The following PELI2 variants were observed in gnomAD, a reference collection of about 807,000 sequenced individuals.
The protein encoded by PELI2 is pellino E3 ubiquitin protein ligase family member 2, also known as E3 ubiquitin-protein ligase pellino homolog 2.
Under a neutral mutation model 42.3 loss-of-function variants are expected in PELI2, and 23 were observed. The observed-to-expected ratio is 0.54, with a 90% CI of 0.39 to 0.77. The LOEUF is 0.77. Among genes scored for constraint, PELI2 ranks in the 30% least tolerant of loss-of-function variants. The pLI is 0.00. For synonymous variants in PELI2, 245 were observed against 212.2 expected, an observed-to-expected ratio of 1.15 and a Z score of -1.34; for missense variants, 463 against 553.2, an observed-to-expected ratio of 0.84 and a Z score of 1.64.
In PELI2 at chr14:56,275,088, TCA is replaced by T. The variant is rs879645642; in HGVS notation, c.208-4587_208-4586del. 3.1e-3 allele frequency among the ~76,000 whole-genome samples: 465 copies of T among 150,406 alleles called. 2 individuals carry two copies. Among genetic ancestry groups the T allele is most frequent in the Middle Eastern group, 6.8e-3 (2 of 294 alleles). ...TTCGTTCATTCATTCATTCATTCAT[TCA>T]TTCGTTTGACATTCATTGAATGCCT... On this transcript the variant is annotated intron_variant, in intron 2 of 5. Coordinates refer to ENST00000267460, the MANE Select transcript of PELI2 (RefSeq NM_021255.3).
At chr14:56,182,797 G>C (rs965826291) in intron 2 of PELI2, among the ~76,000 whole-genome samples, 2 of 152,122 alleles carry the variant, frequency 1.3e-5, no homozygotes, top group African/African-American at 4.8e-5. Context: ...GTGAGAAGTG[G>C]TAAAACTAAC....
chr14:56,263,162 T>C (rs897464347), intron 2 of PELI2, among the ~76,000 whole-genome samples: 1 of 152,172 alleles, frequency 6.6e-6, no homozygotes, highest in African/African-American at 2.4e-5. Flanking sequence ...GGTTTCACCA[T>C]GTTGGCCAGG....
chr14:56,156,537 T>C (rs1361990029), intron 1 of PELI2, among the ~76,000 whole-genome samples: 1 of 152,222 alleles, frequency 6.6e-6, no homozygotes, highest in East Asian at 1.9e-4. Flanking sequence ...GTTCTTCTGC[T>C]GATTGGCTGT....
In PELI2 at chr14:56,234,286, A is replaced by G. The variant is rs570917160; in HGVS notation, c.208-45390A>G. Among the ~76,000 whole-genome samples the G allele has an allele frequency of 1.2e-4, 18 of 152,362 alleles. 1 individual carries two copies. In the South Asian group the frequency reaches 2.1e-3, roughly 18 times the overall value. On this transcript the variant is annotated intron_variant, in intron 2 of 5. Coordinates refer to ENST00000267460, the MANE Select transcript of PELI2 (RefSeq NM_021255.3). ...AAAGGAGTATGAATCATGCTGCTAT[A>G]AAGACACATACACACGTATGTTTAT... is the stretch of plus-strand genomic sequence containing the variant.
At chr14:56,255,504 G>A (rs1044653557) in intron 2 of PELI2, among the ~76,000 whole-genome samples, 2 of 152,150 alleles carry the variant, frequency 1.3e-5, no homozygotes, top group Non-Finnish European at 2.9e-5. Context: ...GTCTAGGGGA[G>A]GGATGGCATT....
chr14:56,126,757 G>A lies in PELI2; in HGVS notation c.77+8020G>A, dbSNP rs138703399. Among the ~76,000 whole-genome samples the A allele has an allele frequency of 1.6e-3, 243 of 152,236 alleles. 1 individual carries two copies. Among genetic ancestry groups the A allele is most frequent in the Middle Eastern group, 0.01 (3 of 294 alleles). Reference sequence around the variant, plus strand: ...ATTGATGGATTGATTGATTGATTGCGTTGGGGAAAGGCCCTTCCTGCGGAA... The same window carrying A: ...ATTGATGGATTGATTGATTGATTGCATTGGGGAAAGGCCCTTCCTGCGGAA... On this transcript the variant is annotated intron_variant, in intron 1 of 5. Transcript: ENST00000267460.
At chr14:56,155,834 T>A (rs553450576) in intron 1 of PELI2, among the ~76,000 whole-genome samples, 1 of 152,238 alleles carries the variant, frequency 6.6e-6, no homozygotes, top group African/African-American at 2.4e-5. Flanking sequence ...CCGCCCCCCC[T>A]CAGCCTCCTA....
intron 2 of PELI2, among the ~76,000 whole-genome samples, chr14:56,204,892 G>A (rs912825744): frequency 1.3e-5 from 2 of 151,982 alleles, no homozygotes; most frequent in Non-Finnish European, 2.9e-5. Context: ...GTAGCCAGGC[G>A]TGGTGGCACG....
At chr14:56,121,270 C>CT (rs1883049536) in intron 1 of PELI2, among the ~76,000 whole-genome samples, 1 of 150,086 alleles carries the variant, frequency 6.7e-6, no homozygotes, top group African/African-American at 2.5e-5. Flanking sequence ...TGTGACTGTC[C>CT]TTTTTGCTCA....
At chr14:56,221,299 G>A (rs1193830679) in intron 2 of PELI2, among the ~76,000 whole-genome samples, 1 of 151,660 alleles carries the variant, frequency 6.6e-6, no homozygotes, top group Non-Finnish European at 1.5e-5. Context: ...GTGGTCACTT[G>A]GAGAAAGGAG....
rs1306712892 is a variant in PELI2 at position 56,200,350 on chromosome 14, T to G, written c.207+21886T>G. On this transcript the variant is annotated intron_variant, in intron 2 of 5. Coordinates refer to ENST00000267460, the MANE Select transcript of PELI2 (RefSeq NM_021255.3). ...TCACAACAGTTTCACAAGGTAGGGC[T>G]TTTATCATTTCCATTTTCAGATGAG... is the stretch of plus-strand genomic sequence containing the variant. Among the ~76,000 whole-genome samples the G allele has an allele frequency of 4.3e-5, 3 of 69,734 alleles. No homozygotes were observed. In the Admixed American group the frequency reaches 5.4e-4, roughly 13 times the overall value. 45.7% of individuals were successfully genotyped at this position (69,734 alleles called of 152,430 possible).
chr14:56,242,136 G>T (rs1887998024), intron 2 of PELI2, among the ~76,000 whole-genome samples: 1 of 152,188 alleles, frequency 6.6e-6, no homozygotes, highest in African/African-American at 2.4e-5. Flanking sequence ...GCCACCTCAT[G>T]GGTTCTGTAC....
chr14:56,293,860 G>T, intron 5 of PELI2, among the ~76,000 whole-genome samples: 1 of 152,206 alleles, frequency 6.6e-6, no homozygotes, highest in Non-Finnish European at 1.5e-5. Flanking sequence ...CAGGAGGAAA[G>T]GGGGGTTGTT....
intron 2 of PELI2, among the ~76,000 whole-genome samples, chr14:56,245,176 G>A (rs1442949501): frequency 6.6e-6 from 1 of 152,098 alleles, no homozygotes; most frequent in Non-Finnish European, 1.5e-5. Context: ...ATAATATCTG[G>A]GTTCATCCTT....
At chr14:56,206,696 C>T (rs1886529882) in intron 2 of PELI2, among the ~76,000 whole-genome samples, 1 of 152,050 alleles carries the variant, frequency 6.6e-6, no homozygotes, top group African/African-American at 2.4e-5. Context: ...TTTCTTTCCT[C>T]CTTGATCGTT....
At chr14:56,251,929 G>A (rs907539010) in intron 2 of PELI2, among the ~76,000 whole-genome samples, 18 of 152,136 alleles carry the variant, frequency 1.2e-4, no homozygotes, top group Admixed American at 2.0e-4. Context: ...GGTGCCAAAC[G>A]TATACACCGT....
chr14:56,121,434 C>A (rs1313706429), intron 1 of PELI2, among the ~76,000 whole-genome samples: 2 of 152,118 alleles, frequency 1.3e-5, no homozygotes, highest in African/African-American at 4.8e-5. Flanking sequence ...TTTTAGTGAG[C>A]TCATCACTTT....
intron 2 of PELI2, among the ~76,000 whole-genome samples, chr14:56,269,792 T>C (rs191037562): frequency 2.0e-5 from 3 of 152,308 alleles, no homozygotes; most frequent in Admixed American, 1.3e-4. Flanking sequence ...GTTCTTACCC[T>C]CAAGGAGCTT....
chr14:56,159,374 T>C (rs1884675814), intron 1 of PELI2, among the ~76,000 whole-genome samples: 2 of 152,222 alleles, frequency 1.3e-5, no homozygotes, highest in Admixed American at 1.3e-4. Flanking sequence ...TGCCAGAGTA[T>C]AATACCAACT....
Sources: allele counts gnomAD v4.1 joint callset (sites outside exome capture counted in the v4.1 genomes callset), GRCh38; gene constraint gnomAD v4.1.1; transcripts MANE v1.5; gene names NCBI Gene and HGNC (gene_info 2026-07-23, HGNC 2026-07-21).